Variants in NAV3 observed in about 807,000 individuals in gnomAD.
NAV3 encodes the protein pore membrane and/or filament interacting like protein 1.
A neutral mutation model predicts 244.7 loss-of-function variants in NAV3; 87 were observed. The observed-to-expected ratio is 0.36, with a 90% CI of 0.30 to 0.42. The LOEUF (loss-of-function observed/expected upper bound fraction) is 0.42. Among genes scored for constraint, NAV3 ranks in the 20% least tolerant of loss-of-function variants. The probability of loss-of-function intolerance (pLI) is 1.00; values close to 1 mark genes in which losing one functional copy is unlikely to be tolerated. For missense variants in NAV3, 2,663 were observed against 2,893.3 expected, an observed-to-expected ratio of 0.92 and a Z score of 1.83; for synonymous variants, 1,126 against 1,042.2, an observed-to-expected ratio of 1.08 and a Z score of -1.55.
At chr12:78,110,482 C>A (rs1593621478) in intron 12 of NAV3, among the ~76,000 whole-genome samples, 1 of 151,962 alleles carries the variant, frequency 6.6e-6, no homozygotes, top group East Asian at 1.9e-4. Context: ...CAAAGCAATT[C>A]TGAACATAAA....
chr12:77,882,762 G>T (rs763453508), intron 1 of NAV3, among the ~76,000 whole-genome samples: 2 of 152,082 alleles, frequency 1.3e-5, no homozygotes, highest in Non-Finnish European at 2.9e-5. Flanking sequence ...TATTAAAAAT[G>T]AGCAAAGGAT....
chr12:77,768,127 G>A (rs1027898412), intron 2 of NAV3, among the ~76,000 whole-genome samples: 2 of 152,186 alleles, frequency 1.3e-5, no homozygotes, highest in Non-Finnish European at 2.9e-5. Context: ...TCATCTGCCC[G>A]AATCTGGCTG....
Position 78,146,376 on chromosome 12 carries a change from A to G in NAV3, c.4691A>G (p.Glu1564Gly). The G allele has an allele frequency of 9.1e-7, 1 of 1,096,414 alleles. No individual in the cohort carries two copies. Among genetic ancestry groups the G allele is most frequent in the Non-Finnish European group, 1.3e-6 (1 of 796,722 alleles). The allele number at this position is 1,096,414 out of a possible 1,614,324, so 67.9% of individuals were successfully genotyped here. ...STSSLYSTAE[E>G]KAHSEQIHKL... ...CTTTTTATTGTTTTACAGGCTGAAGAAAAGGCTCATTCAGAGGTAAAAAAA... is the reference window on the plus strand; with the variant it reads ...CTTTTTATTGTTTTACAGGCTGAAGGAAAGGCTCATTCAGAGGTAAAAAAA... Residue 1564 changes from glutamate to glycine, a missense_variant, in exon 21 of 40, where the codon GAA (glutamate) becomes GGA (glycine). Transcript: ENST00000397909.
At chr12:77,613,400 AAG>A (rs1368127079) in intron 2 of NAV3, among the ~76,000 whole-genome samples, 1 of 152,192 alleles carries the variant, frequency 6.6e-6, no homozygotes, top group East Asian at 1.9e-4. Context: ...GCAGTGAAGA[AAG>A]AGGTATGGGA....
intron 7 of NAV3, among the ~76,000 whole-genome samples, chr12:78,000,763 A>G (rs1266265982): frequency 6.7e-6 from 1 of 150,004 alleles, no homozygotes; most frequent in Non-Finnish European, 1.5e-5. Context: ...TCGGCCTCCC[A>G]AAGTGCTGGG....
chr12:77,932,083 T>A (rs944726618), intron 1 of NAV3, among the ~76,000 whole-genome samples: 1 of 152,056 alleles, frequency 6.6e-6, no homozygotes. Flanking sequence ...TAAATCTGAC[T>A]GGAGTGAGGG....
At chr12:78,164,185 A>C (rs1351137889) in intron 23 of NAV3, among the ~76,000 whole-genome samples, 2 of 152,118 alleles carry the variant, frequency 1.3e-5, no homozygotes, top group Admixed American at 6.6e-5. Flanking sequence ...AAGACTTTCA[A>C]ATTAGTTCCC....
At chr12:77,934,808 C>T (rs1889168943) in intron 1 of NAV3, among the ~76,000 whole-genome samples, 1 of 152,084 alleles carries the variant, frequency 6.6e-6, no homozygotes, top group Admixed American at 6.5e-5. Flanking sequence ...AATGCTACTG[C>T]TTGAATGTTG....
chr12:77,873,744 G>GTGTATGTATATATATATATATATATATA (rs776225440), intron 1 of NAV3, among the ~76,000 whole-genome samples: 1 of 73,182 alleles, frequency 1.4e-5, no homozygotes, highest in African/African-American at 4.5e-5. Context: ...ATGTGTGTGT[G>GTGTATGTATATATATATATATATATATA]TATATATATA....
At chr12:78,051,968 G>A (rs1018102991) in intron 11 of NAV3, among the ~76,000 whole-genome samples, 6 of 152,266 alleles carry the variant, frequency 3.9e-5, no homozygotes, top group Middle Eastern at 3.4e-3. Context: ...AATTGGCCCC[G>A]GCTGGGAACT....
At position 77,716,140 on chromosome 12, in the gene NAV3, A is replaced by T. The variant is rs1876350643; in HGVS notation, c.72+143874A>T. On this transcript the variant is annotated intron_variant, in intron 2 of 8. Coordinates refer to the NAV3 transcript ENST00000550042. ...AGTCTCATTTTCAAGTTTCTTTCCT[A>T]TCTATGTAAATCTTAAGGTCATAAA... Among the ~76,000 whole-genome samples the T allele has an allele frequency of 2.0e-5, 3 of 152,024 alleles. No individual in the cohort carries two copies. The South Asian group carries it at 6.2e-4, about 31-fold the overall frequency.
At chr12:78,196,557 G>A (rs1959177432) in intron 34 of NAV3, among the ~76,000 whole-genome samples, 1 of 151,986 alleles carries the variant, frequency 6.6e-6, no homozygotes, top group African/African-American at 2.4e-5. Context: ...ATCTGTGAGA[G>A]CAGTCAATCA....
At chr12:77,707,458 A>G (rs565180749) in intron 2 of NAV3, among the ~76,000 whole-genome samples, 4 of 152,158 alleles carry the variant, frequency 2.6e-5, no homozygotes, top group East Asian at 1.9e-4. Flanking sequence ...AATCCAGTCT[A>G]TGATTGATGG....
intron 2 of NAV3, among the ~76,000 whole-genome samples, chr12:77,820,165 G>T (rs948558872): frequency 1.3e-5 from 2 of 151,864 alleles, no homozygotes; most frequent in Non-Finnish European, 2.9e-5. Context: ...AACTTTGAAG[G>T]GTTTACGTAG....
intron 2 of NAV3, among the ~76,000 whole-genome samples, chr12:77,769,368 G>T (rs1207415656): frequency 1.3e-5 from 2 of 152,044 alleles, no homozygotes; most frequent in African/African-American, 2.4e-5. Flanking sequence ...ATCAGTAATA[G>T]CTAACAGAAC....
intron 1 of NAV3, among the ~76,000 whole-genome samples, chr12:77,868,279 G>A (rs985828879): frequency 1.3e-5 from 2 of 152,050 alleles, no homozygotes; most frequent in Non-Finnish European, 2.9e-5. Context: ...ATAATTGTAT[G>A]AGTGCCTTAA....
At chr12:78,006,151 A>G (rs1445315184) in intron 7 of NAV3, among the ~76,000 whole-genome samples, 1 of 151,508 alleles carries the variant, frequency 6.6e-6, no homozygotes, top group African/African-American at 2.5e-5. Flanking sequence ...GTGACTAGCA[A>G]ATTTATTTGG....
chr12:77,758,742 C>A (rs11106566), intron 2 of NAV3, among the ~76,000 whole-genome samples: 6,089 of 151,996 alleles, frequency 0.04, 387 homozygotes, highest in African/African-American at 0.14. Context: ...GGCAAATGAG[C>A]TAGAGATAGG....
In NAV3 at chr12:78,148,849, A is replaced by G; in HGVS notation, c.4715A>G (p.His1572Arg). 6.2e-7 allele frequency: 1 copy of G among 1,612,374 alleles called. No homozygotes were observed. The highest frequency in any genetic ancestry group is 8.5e-7 in the Non-Finnish European group (1 of 1,179,074). ...AEEKAHSEQI[H>R]KLRRELVASQ... The stretch of plus-strand genomic sequence containing the variant: ...TTTTTTAATTGCATTCAGCAAATCC[A>G]TAAACTGCGGAGAGAGCTGGTTGCA... Residue 1572 changes from histidine (H) to arginine (R), a missense_variant, in exon 22 of 40, where the codon CAT (histidine) becomes CGT (arginine). By Grantham distance (29) the His-to-Arg change is conservative (BLOSUM62 0). Coordinates refer to ENST00000397909, the MANE Select transcript of NAV3 (RefSeq NM_001024383.2).
Sources: allele counts gnomAD v4.1 joint callset (sites outside exome capture counted in the v4.1 genomes callset), GRCh38; gene constraint gnomAD v4.1.1; transcripts MANE v1.5; gene names NCBI Gene and HGNC (gene_info 2026-07-23, HGNC 2026-07-21).